SORBS2: variants seen among roughly 807,000 people sequenced by gnomAD.
The protein encoded by SORBS2 is sorbin and SH3 domain-containing protein 2.
A neutral mutation model predicts 97.7 loss-of-function variants in SORBS2; 46 were observed. The observed-to-expected ratio is 0.47, with a 90% CI of 0.37 to 0.60. The LOEUF is 0.60. Ranked by LOEUF, SORBS2 falls within the 20% of genes least tolerant of loss-of-function variation. SORBS2 has a pLI of 0.00. For synonymous variants in SORBS2, 476 were observed against 473.4 expected (o/e 1.01, Z -0.07); for missense variants, 1,316 against 1,282.3 (o/e 1.03, Z -0.40).
In SORBS2 at chr4:185,623,374, G is replaced by A. The variant is rs773308741; in HGVS notation, c.1755C>T (p.Asn585=). Residue 585 remains asparagine, a synonymous_variant, in exon 7 of 15, where the codon AAC becomes AAT. Coordinates refer to ENST00000418609, the Ensembl canonical transcript of SORBS2. The surrounding 1 kb of genome is among the most constrained non-coding windows in gnomAD (Gnocchi z 6.4). ...TTTCTTGCCTTCTGGGCTCCTCGGTGTTTTCGTGTCTGGCTCTTTCGTGTT... is the reference window on the plus strand; with the variant it reads ...TTTCTTGCCTTCTGGGCTCCTCGGTATTTTCGTGTCTGGCTCTTTCGTGTT... The A allele has an allele frequency of 6.2e-7, 1 of 1,613,218 alleles. No individual in the cohort carries two copies. Among genetic ancestry groups the A allele is most frequent in the Non-Finnish European group, 8.5e-7 (1 of 1,180,024 alleles).
At chr4:185,837,442 G>GT (rs1164572381) in intron 1 of SORBS2, among the ~76,000 whole-genome samples, 4 of 152,254 alleles carry the variant, frequency 2.6e-5, no homozygotes, top group African/African-American at 9.6e-5. Context: ...GTATTTAATA[G>GT]TTTTTTTCTT....
intron 1 of SORBS2, among the ~76,000 whole-genome samples, chr4:185,927,574 A>G (rs1427415397): frequency 1.3e-5 from 2 of 152,096 alleles, no homozygotes; most frequent in African/African-American, 4.8e-5. Flanking sequence ...CTGAGAGAGC[A>G]CTCAGTTCTT....
chr4:185,918,029 C>T (rs919535549), intron 1 of SORBS2: 6 of 151,968 alleles, frequency 3.9e-5, no homozygotes, highest in Non-Finnish European at 7.4e-5. Flanking sequence ...TGTGATGTTC[C>T]GGGAAAGCAG....
At chr4:185,856,403 C>A (rs1388037758) in intron 1 of SORBS2, among the ~76,000 whole-genome samples, 2 of 152,160 alleles carry the variant, frequency 1.3e-5, no homozygotes, top group Non-Finnish European at 2.9e-5. Flanking sequence ...ATGCCTACAC[C>A]TCTGCCTGGC....
intron 2 of SORBS2, among the ~76,000 whole-genome samples, chr4:185,731,698 CCCTG>C (rs2098632904): frequency 9.8e-6 from 1 of 101,960 alleles, no homozygotes; most frequent in Non-Finnish European, 2.0e-5. Flanking sequence ...CTCCCTCCCT[CCCTG>C]CCTGTCTCTC....
chr4:185,599,160 T>C (rs186086057), intron 12 of SORBS2, among the ~76,000 whole-genome samples: 3 of 152,278 alleles, frequency 2.0e-5, no homozygotes, highest in East Asian at 1.9e-4. Flanking sequence ...AAATAAAAAA[T>C]GAAGACTTCT....
intron 7 of SORBS2, among the ~76,000 whole-genome samples, chr4:185,622,043 A>C (rs1030550816): frequency 1.3e-5 from 2 of 152,246 alleles, no homozygotes; most frequent in Non-Finnish European, 1.5e-5. Flanking sequence ...TAGTGAACAG[A>C]TGTGCTGTAA....
At chr4:185,906,184 C>G (rs2099250730) in intron 1 of SORBS2, among the ~76,000 whole-genome samples, 1 of 152,170 alleles carries the variant, frequency 6.6e-6, no homozygotes, top group Admixed American at 6.5e-5. Flanking sequence ...CTGGCATGCA[C>G]CACCATGCCT....
chr4:185,593,963 C>A (rs758146341), intron 12 of SORBS2, 28 bp from the exon 25 acceptor site: 1 of 1,526,090 alleles, frequency 6.6e-7, no homozygotes, highest in African/African-American at 1.4e-5. Context: ...TCAATGTAAT[C>A]AATGTTTAAA....
intron 1 of SORBS2, among the ~76,000 whole-genome samples, chr4:185,882,932 A>G (rs2099237581): frequency 2.0e-5 from 3 of 152,212 alleles, no homozygotes; most frequent in Non-Finnish European, 4.4e-5. Context: ...ATACATGTAC[A>G]TCTTAAAAAT....
At chr4:185,685,762 C>A (rs140027339) in intron 2 of SORBS2, among the ~76,000 whole-genome samples, 3 of 152,206 alleles carry the variant, frequency 2.0e-5, no homozygotes, top group Admixed American at 6.5e-5. Context: ...GGCTCAAGGG[C>A]TCTTTCCGCC....
At chr4:185,628,648 C>T (rs1408483563) in intron 5 of SORBS2, among the ~76,000 whole-genome samples, 1 of 152,128 alleles carries the variant, frequency 6.6e-6, no homozygotes, top group Non-Finnish European at 1.5e-5. Flanking sequence ...ATTCAGGAGG[C>T]TGAGGTGGGA....
At chr4:185,946,606 C>A (rs770001086) in intron 1 of SORBS2, among the ~76,000 whole-genome samples, 2 of 152,134 alleles carry the variant, frequency 1.3e-5, no homozygotes, top group Non-Finnish European at 2.9e-5. Context: ...AAATACAAAG[C>A]AAAGTAAACA....
chr4:185,631,644 C>T (rs2096908218), intron 4 of SORBS2, among the ~76,000 whole-genome samples: 1 of 152,180 alleles, frequency 6.6e-6, no homozygotes, highest in South Asian at 2.1e-4. Flanking sequence ...TTCCTGTTAT[C>T]CCAGCCACGC....
At chr4:185,849,728 T>A (rs924539561) in intron 1 of SORBS2, among the ~76,000 whole-genome samples, 1 of 152,212 alleles carries the variant, frequency 6.6e-6, no homozygotes, top group Non-Finnish European at 1.5e-5. Context: ...AGCTGCCCAT[T>A]TTTTCAATTC....
chr4:185,627,026 G>A lies in SORBS2; in HGVS notation c.447-7C>T, dbSNP rs937587316. On this transcript the variant is annotated splice_region_variant and splice_polypyrimidine_tract_variant and intron_variant, in intron 5 of 14. Transcript: ENST00000418609. ...ACTGGCCATGCTTGCAGAACTGAAA[G>A]AAGGAATCAGATCTGTTTGATTGGC... 11 of 1,613,602 alleles carry A rather than the reference G, an allele frequency of 6.8e-6. No individual in the cohort carries two copies. The African/African-American group carries it at 8.0e-5, about 12-fold the overall frequency.
chr4:185,706,406 A>C (rs1486726980), intron 2 of SORBS2, among the ~76,000 whole-genome samples: 1 of 152,250 alleles, frequency 6.6e-6, no homozygotes, highest in Admixed American at 6.5e-5. Flanking sequence ...GTAATATAAC[A>C]TAAGTGATAT....
At chr4:185,753,459 T>A (rs1352551979) in intron 2 of SORBS2, among the ~76,000 whole-genome samples, 1 of 152,180 alleles carries the variant, frequency 6.6e-6, no homozygotes, top group Non-Finnish European at 1.5e-5. Context: ...AAAATATACT[T>A]TATAAAAATA....
intron 1 of SORBS2, among the ~76,000 whole-genome samples, chr4:185,950,664 C>A (rs1042375886): frequency 6.6e-6 from 1 of 152,142 alleles, no homozygotes; most frequent in African/African-American, 2.4e-5. Context: ...AACACAAGAC[C>A]AGGCTGTGAA....
Sources: allele counts gnomAD v4.1 joint callset (sites outside exome capture counted in the v4.1 genomes callset), GRCh38; gene constraint gnomAD v4.1.1; non-coding constraint Gnocchi (gnomAD v3.1); transcripts MANE v1.5; gene names NCBI Gene and HGNC (gene_info 2026-07-23, HGNC 2026-07-21).